The following LRRC8D variants were observed in gnomAD, a reference collection of about 807,000 sequenced individuals.
The protein encoded by LRRC8D is volume-regulated anion channel subunit LRRC8D.
In LRRC8D, 20 loss-of-function variants were observed where a neutral mutation model predicts 55.8. That is an observed-to-expected ratio of 0.36 (90% CI 0.25 to 0.52). LRRC8D has a LOEUF of 0.52. Ranked by LOEUF, LRRC8D falls within the 20% of genes least tolerant of loss-of-function variation. LRRC8D has a pLI of 0.93. For synonymous variants in LRRC8D, 352 were observed against 377.0 expected, an observed-to-expected ratio of 0.93 and a Z score of 0.77; for missense variants, 651 against 1,030.8, an observed-to-expected ratio of 0.63 and a Z score of 5.05.
intron 2 of LRRC8D, among the ~76,000 whole-genome samples, chr1:89,897,425 G>A (rs1403053170): frequency 1.3e-5 from 2 of 152,116 alleles, no homozygotes; most frequent in African/African-American, 4.8e-5. Flanking sequence ...GCGAGATTAT[G>A]TTTTTTCCTA....
chr1:89,830,015 G>A (rs1289232465), intron 1 of LRRC8D, among the ~76,000 whole-genome samples: 1 of 152,036 alleles, frequency 6.6e-6, no homozygotes, highest in Non-Finnish European at 1.5e-5. Flanking sequence ...AAAAACTGCT[G>A]TAACAAATGT....
At position 89,923,302 on chromosome 1, in the gene LRRC8D, G is replaced by A. The variant is rs145997800; in HGVS notation, c.-2-9765G>A. On this transcript the variant is annotated intron_variant, in intron 2 of 2. Coordinates refer to ENST00000337338, the MANE Select transcript of LRRC8D (RefSeq NM_001134479.2). ...AAAAGAGAAATCAAAGAATATATGC[G>A]ATTAATACTTACTAAATATATGTTT... 5.8e-3 allele frequency among the ~76,000 whole-genome samples: 883 copies of A among 152,216 alleles called. 12 individuals are homozygous for A. Among genetic ancestry groups the A allele is most frequent in the African/African-American group, 0.02 (823 of 41,494 alleles).
chr1:89,893,247 T>TGAAC (rs1662623677), intron 2 of LRRC8D, among the ~76,000 whole-genome samples: 1 of 152,148 alleles, frequency 6.6e-6, no homozygotes, highest in Non-Finnish European at 1.5e-5. Context: ...ATCTGGGGAA[T>TGAAC]GAACAGTCCT....
intron 2 of LRRC8D, among the ~76,000 whole-genome samples, chr1:89,897,629 A>G (rs1334990643): frequency 6.6e-6 from 1 of 152,104 alleles, no homozygotes; most frequent in African/African-American, 2.4e-5. Flanking sequence ...ACTGCTTGTG[A>G]TTGTGGATAA....
At chr1:89,931,652 G>A (rs879853265) in intron 2 of LRRC8D, among the ~76,000 whole-genome samples, 2 of 152,084 alleles carry the variant, frequency 1.3e-5, no homozygotes, top group African/African-American at 2.4e-5. Context: ...CCAGCTACTC[G>A]GGAGGCTGAG....
chr1:89,840,171 T>C (rs1206144787), intron 1 of LRRC8D, among the ~76,000 whole-genome samples: 1 of 152,230 alleles, frequency 6.6e-6, no homozygotes, highest in Non-Finnish European at 1.5e-5. Flanking sequence ...ATTTTTTCTT[T>C]TTATGAGGTT....
chr1:89,852,045 A>G (rs779831431), intron 2 of LRRC8D, among the ~76,000 whole-genome samples: 1 of 151,940 alleles, frequency 6.6e-6, no homozygotes, highest in Non-Finnish European at 1.5e-5. Context: ...TTATGGACAC[A>G]GGAGAGAGTT....
chr1:89,931,486 T>C (rs1470825597), intron 2 of LRRC8D, among the ~76,000 whole-genome samples: 2 of 151,880 alleles, frequency 1.3e-5, no homozygotes, highest in African/African-American at 4.8e-5. Context: ...CCTGGTTGGG[T>C]GTGGTGGCTC....
chr1:89,841,370 C>T (rs184735069), intron 1 of LRRC8D, among the ~76,000 whole-genome samples: 120 of 149,022 alleles, frequency 8.1e-4, no homozygotes, highest in Non-Finnish European at 1.4e-3. Context: ...AGTTCATCGT[C>T]TGGAGGCCTC....
In LRRC8D at chr1:89,843,750, GC is replaced by G; in HGVS notation, c.-32del. On this transcript the variant is annotated 5_prime_UTR_variant, in exon 2 of 3. Coordinates refer to ENST00000337338, the MANE Select transcript of LRRC8D (RefSeq NM_001134479.2). Reference sequence around the variant, plus strand: ...CGCCCAAGCCGCGTCCCCAGAGAGCGCCCTGAGAGAACAGGGTGGCCGCTTG... The same window carrying G: ...CGCCCAAGCCGCGTCCCCAGAGAGCGCCTGAGAGAACAGGGTGGCCGCTTG... 1.4e-6 allele frequency: 1 copy of G among 698,954 alleles called. No individual in the cohort carries two copies. Among genetic ancestry groups the G allele is most frequent in the Non-Finnish European group, 2.6e-6 (1 of 382,976 alleles). The allele number at this position is 698,954 out of a possible 1,614,324, so 43.3% of individuals were successfully genotyped here.
At chr1:89,866,822 G>A (rs190927065) in intron 2 of LRRC8D, among the ~76,000 whole-genome samples, 39 of 152,294 alleles carry the variant, frequency 2.6e-4, no homozygotes, top group East Asian at 1.2e-3. Context: ...GGAATAGAGA[G>A]AGCAGGGCAG....
chr1:89,863,938 G>A (rs1661782932), intron 2 of LRRC8D, among the ~76,000 whole-genome samples: 1 of 152,180 alleles, frequency 6.6e-6, no homozygotes, highest in Non-Finnish European at 1.5e-5. Context: ...AATTCTGCCA[G>A]GTGCATTGGT....
chr1:89,934,220 C>A lies in LRRC8D; in HGVS notation c.1152C>A (p.Leu384=), dbSNP rs778806060. ...ATGGCTTTATCTGCCTCTACACTCT[C>A]TTCTGGTTATTCAGGATACCTTTGA... The part of the protein sequence containing the change: ...CVYGFICLYT[L]FWLFRIPLKE... The change falls in exon 3 of 3, where the codon CTC becomes CTA. Residue 384 remains leucine, a synonymous_variant. Transcript: ENST00000337338. The surrounding 1 kb of genome is among the most constrained non-coding windows in gnomAD (Gnocchi z 5.9). 1.2e-6 allele frequency: 2 copies of A among 1,614,114 alleles called. No homozygotes were observed. The highest frequency in any genetic ancestry group is 1.1e-5 in the South Asian group (1 of 91,076).
At position 89,933,036 on chromosome 1, in the gene LRRC8D, GAAT is replaced by G; in HGVS notation, c.-2-27_-2-25del. ...TTTACTCTTTTCATTTGCATCTCTA[GAAT>G]AATGTCTTTTGTCTTCTTGTTTTCT... On this transcript the variant is annotated intron_variant, in intron 2 of 2. Transcript: ENST00000337338. This position sits in a 1 kb window ranked among gnomAD's most constrained non-coding sequence, Gnocchi z 7.0. 6.3e-7 allele frequency: 1 copy of G among 1,582,080 alleles called. No homozygotes were observed. Among genetic ancestry groups the G allele is most frequent in the Non-Finnish European group, 8.6e-7 (1 of 1,158,864 alleles).
At chr1:89,821,761 C>A (rs1660639444) in intron 1 of LRRC8D, among the ~76,000 whole-genome samples, 1 of 152,028 alleles carries the variant, frequency 6.6e-6, no homozygotes. Flanking sequence ...ATCGCCTCCC[C>A]TCCGCTTCCT....
chr1:89,901,055 A>G (rs773820872), intron 2 of LRRC8D, among the ~76,000 whole-genome samples: 2 of 152,236 alleles, frequency 1.3e-5, no homozygotes, highest in Non-Finnish European at 2.9e-5. Flanking sequence ...GACTGTGACC[A>G]TGCATTTCTA....
intron 2 of LRRC8D, among the ~76,000 whole-genome samples, chr1:89,887,514 T>C (rs1331085178): frequency 1.3e-5 from 2 of 152,176 alleles, no homozygotes; most frequent in Non-Finnish European, 2.9e-5. Flanking sequence ...GATGAGCAAG[T>C]CCCTTTGTTG....
chr1:89,902,462 C>T (rs1662882895), intron 2 of LRRC8D, among the ~76,000 whole-genome samples: 2 of 152,092 alleles, frequency 1.3e-5, no homozygotes, highest in South Asian at 2.1e-4. Context: ...GATAAGCTGC[C>T]GTAGCCACTG....
chr1:89,868,614 T>C (rs1661914347), intron 2 of LRRC8D, among the ~76,000 whole-genome samples: 1 of 152,174 alleles, frequency 6.6e-6, no homozygotes, highest in African/African-American at 2.4e-5. Context: ...AGGCACGTGC[T>C]AAGCAGTGTA....
Sources: gnomAD v4.1 joint callset for allele counts (sites outside exome capture counted in the v4.1 genomes callset) on GRCh38, gnomAD v4.1.1 for gene constraint, Gnocchi (gnomAD v3.1) non-coding constraint, MANE v1.5 for transcripts, NCBI Gene and HGNC (gene_info 2026-07-23, HGNC 2026-07-21) for gene names.